GSPT1: variants seen among roughly 807,000 people sequenced by gnomAD.
GSPT1 encodes G1 to S phase transition 1.
A neutral mutation model predicts 72.5 loss-of-function variants in GSPT1; 20 were observed. The ratio of observed to expected loss-of-function variants is 0.28; its 90% CI spans 0.19 to 0.40. The LOEUF is 0.40. GSPT1 is among the 10% of genes least tolerant of loss of function. GSPT1 has a pLI of 1.00. For missense variants in GSPT1, 580 were observed against 811.9 expected, an observed-to-expected ratio of 0.71 and a Z score of 3.47; for synonymous variants, 334 against 293.5, an observed-to-expected ratio of 1.14 and a Z score of -1.41.
At chr16:11,915,261 GC>G in intron 1 of GSPT1, 107 bp downstream of exon 1, 3 of 1,186,578 alleles carry the variant, frequency 2.5e-6, no homozygotes, top group Non-Finnish European at 3.1e-6. Flanking sequence ...CACTGTCAGC[GC>G]CCCACGTGCC....
intron 7 of GSPT1, 134 bp downstream of exon 7, chr16:11,887,436 T>A (rs746569198): frequency 2.9e-6 from 2 of 696,072 alleles, no homozygotes; most frequent in African/African-American, 3.6e-5. Flanking sequence ...ATTAGTATGA[T>A]GAAAACTGTG....
Position 11,887,554 on chromosome 16 carries a change from GA to G in GSPT1, c.957+15del. On this transcript the variant is annotated intron_variant, in intron 7 of 14. Coordinates refer to ENST00000434724, the MANE Select transcript of GSPT1 (RefSeq NM_002094.4). Reference sequence around the variant, plus strand: ...TACTAACAAATATACAGATGGACTGGAAATGTCTTTCTTACCAGCACAGCCA... The same window carrying G: ...TACTAACAAATATACAGATGGACTGGAATGTCTTTCTTACCAGCACAGCCA... 1 of 1,606,300 alleles carries G rather than the reference GA, an allele frequency of 6.2e-7. No individual in the cohort carries two copies. Among genetic ancestry groups the G allele is most frequent in the Non-Finnish European group, 8.5e-7 (1 of 1,173,514 alleles).
chr16:11,909,654 G>GTGGCT (rs2054532514), intron 1 of GSPT1, among the ~76,000 whole-genome samples: 2 of 152,170 alleles, frequency 1.3e-5, no homozygotes, highest in Non-Finnish European at 1.5e-5. Flanking sequence ...GCCAGGCACA[G>GTGGCT]TGGCTCTCGC....
In GSPT1 at chr16:11,898,540, C is replaced by T. The variant is rs568299849; in HGVS notation, c.353-505G>A. ...GATCTTGGCTTACCGCAACCTCCATCTCCCCGGTTCAAGCGATTCTCCTGC... is the reference window on the plus strand; with the variant it reads ...GATCTTGGCTTACCGCAACCTCCATTTCCCCGGTTCAAGCGATTCTCCTGC... On this transcript the variant is annotated intron_variant, in intron 1 of 14. Transcript: ENST00000434724. Among the ~76,000 whole-genome samples the T allele has an allele frequency of 4.7e-5, 7 of 148,960 alleles. No individual in the cohort carries two copies. The South Asian group carries it at 1.5e-3, about 32-fold the overall frequency.
chr16:11,915,017 C>A, intron 1 of GSPT1: 2 of 1,290,090 alleles, frequency 1.6e-6, no homozygotes, highest in Non-Finnish European at 2.0e-6. Flanking sequence ...CATCTGTCCT[C>A]ATTCTGCGCC....
intron 1 of GSPT1, among the ~76,000 whole-genome samples, chr16:11,903,150 T>TC (rs563539847): frequency 4.7e-4 from 72 of 152,200 alleles, no homozygotes; most frequent in Non-Finnish European, 9.1e-4. Context: ...TCTGAATACT[T>TC]CATGTCAATG....
intron 1 of GSPT1, among the ~76,000 whole-genome samples, chr16:11,900,098 C>T (rs952300330): frequency 2.6e-5 from 4 of 151,968 alleles, no homozygotes; most frequent in African/African-American, 4.8e-5. Flanking sequence ...CTTTGGGAGG[C>T]GGAAGCGGGG....
At chr16:11,875,990 C>A (rs1215095318) in intron 13 of GSPT1, 61 bp from the exon 14 acceptor site, 1 of 1,518,338 alleles carries the variant, frequency 6.6e-7, no homozygotes, top group African/African-American at 1.4e-5. Context: ...TCTTTAAGAA[C>A]AGGTGTAGAA....
intron 9 of GSPT1, among the ~76,000 whole-genome samples, chr16:11,885,670 C>T (rs752865637): frequency 3.3e-5 from 5 of 152,074 alleles, no homozygotes; most frequent in Non-Finnish European, 7.4e-5. Flanking sequence ...AAGGCAGGTG[C>T]ATCTCTTGAG....
At chr16:11,890,498 C>T (rs16958719) in intron 6 of GSPT1, among the ~76,000 whole-genome samples, 1,650 of 152,100 alleles carry the variant, frequency 0.011, 36 homozygotes, top group African/African-American at 0.038. Flanking sequence ...GCATTTCTCC[C>T]GCTTATTTTA....
chr16:11,895,817 G>A (rs2054329453), intron 4 of GSPT1, among the ~76,000 whole-genome samples: 1 of 152,140 alleles, frequency 6.6e-6, no homozygotes, highest in African/African-American at 2.4e-5. Flanking sequence ...AGTAGAGACG[G>A]GGTTTCACCA....
chr16:11,909,040 C>A (rs550747918), intron 1 of GSPT1: 1 of 151,258 alleles, frequency 6.6e-6, no homozygotes, highest in East Asian at 1.9e-4. Flanking sequence ...TACTGGAGTT[C>A]TACAGAAATA....
intron 4 of GSPT1, chr16:11,895,648 C>T (rs977646633): frequency 2.0e-5 from 3 of 152,020 alleles, no homozygotes; most frequent in East Asian, 3.9e-4. Context: ...CCCCACGAGA[C>T]GGAATCTTGC....
intron 5 of GSPT1, among the ~76,000 whole-genome samples, chr16:11,893,490 T>C (rs906389540): frequency 2.6e-5 from 4 of 151,718 alleles, no homozygotes; most frequent in African/African-American, 9.7e-5. Context: ...GAAAAAAAAA[T>C]TGCAACAATG....
rs2053939548 is a variant in GSPT1 at position 11,868,188 on chromosome 16, G to A, written c.*4931C>T. On this transcript the variant is annotated 3_prime_UTR_variant, in exon 15 of 15. Transcript: ENST00000434724. ...CAAAAGCAAATTTAATTTGTCATTT[G>A]AATAATTGCAAGAGCAGACTAAGGG... 1 of 152,126 alleles carries A rather than the reference G, an allele frequency of 6.6e-6. No individual in the cohort carries two copies. Among genetic ancestry groups the A allele is most frequent in the Non-Finnish European group, 1.5e-5 (1 of 68,028 alleles). The allele number at this position is 152,126 out of a possible 1,614,324, so 9.4% of individuals were successfully genotyped here.
Position 11,870,853 on chromosome 16 carries a change from TCA to T in GSPT1, c.*2264_*2265del, listed in dbSNP as rs1309875759. ...CTGTTACTTTTTAGAGGTAGGCCCTTCACAGTTGATATCCAAGTTACTTAAGA... is the reference window on the plus strand; with the variant it reads ...CTGTTACTTTTTAGAGGTAGGCCCTTCAGTTGATATCCAAGTTACTTAAGA... On this transcript the variant is annotated 3_prime_UTR_variant, in exon 15 of 15. Transcript: ENST00000434724. The T allele has an allele frequency of 1.3e-5, 2 of 152,344 alleles. No homozygotes were observed. The highest frequency in any genetic ancestry group is 3.9e-4 in the East Asian group (2 of 5,188). The allele number at this position is 152,344 out of a possible 1,614,324, so 9.4% of individuals were successfully genotyped here.
intron 1 of GSPT1, chr16:11,914,887 T>C (rs1166987519): frequency 9.5e-6 from 6 of 630,742 alleles, no homozygotes; most frequent in South Asian, 3.0e-5. Context: ...ACAGTTTCAA[T>C]AGTAGAAAAC....
intron 10 of GSPT1, among the ~76,000 whole-genome samples, chr16:11,883,911 C>CAAAAAAAAA (rs567658399): frequency 1.1e-5 from 1 of 92,096 alleles, no homozygotes. Flanking sequence ...GACTCCATCT[C>CAAAAAAAAA]AAAAAAAAAA....
At chr16:11,893,313 T>C (rs2054293429) in intron 5 of GSPT1, among the ~76,000 whole-genome samples, 1 of 152,090 alleles carries the variant, frequency 6.6e-6, no homozygotes, top group South Asian at 2.1e-4. Context: ...TTTATAGAAA[T>C]GAGGGTCTCA....
Sources: gnomAD v4.1 joint callset for allele counts (sites outside exome capture counted in the v4.1 genomes callset) on GRCh38, gnomAD v4.1.1 for gene constraint, MANE v1.5 for transcripts, NCBI Gene and HGNC (gene_info 2026-07-23, HGNC 2026-07-21) for gene names.